The following CDK19 variants were observed in gnomAD, a reference collection of about 807,000 sequenced individuals.
CDK19 encodes cyclin dependent kinase 19, also known as cyclin-dependent kinase 19.
CDK19 carries 20 observed loss-of-function variants against 68.3 expected under a neutral mutation model. The ratio of observed to expected loss-of-function variants is 0.29; its 90% CI spans 0.21 to 0.43. CDK19 has a LOEUF of 0.43. Ranked by LOEUF, CDK19 falls within the 20% of genes least tolerant of loss-of-function variation. The pLI, the probability that CDK19 is intolerant of heterozygous loss-of-function variation, is 1.00. For synonymous variants in CDK19, 221 were observed against 222.8 expected (o/e 0.99, Z 0.07); for missense variants, 339 against 623.5 (o/e 0.54, Z 4.86).
chr6:110,619,738 C>A (rs775364870), intron 12 of CDK19, among the ~76,000 whole-genome samples: 12 of 151,940 alleles, frequency 7.9e-5, no homozygotes, highest in Non-Finnish European at 1.3e-4. Context: ...CTGATCCCCA[C>A]CCTGCTCTTT....
At chr6:110,646,313 C>T in intron 4 of CDK19, 1 of 1,489,230 alleles carries the variant, frequency 6.7e-7, no homozygotes, top group Non-Finnish European at 8.9e-7. Context: ...TCAGCGACTA[C>T]CTGCGCGAAC....
intron 1 of CDK19, among the ~76,000 whole-genome samples, chr6:110,754,580 A>C (rs1375423873): frequency 1.3e-5 from 2 of 151,810 alleles, no homozygotes; most frequent in African/African-American, 4.8e-5. Context: ...CCTGGGTTCA[A>C]GCGATTCTCA....
At position 110,815,395 on chromosome 6, in the gene CDK19, T is replaced by C. The variant is rs970252209; in HGVS notation, c.-259A>G. 14 of 349,852 alleles carry C rather than the reference T, an allele frequency of 4.0e-5. No homozygotes were observed. Among genetic ancestry groups the C allele is most frequent in the African/African-American group, 2.8e-4 (13 of 46,202 alleles). The allele number at this position is 349,852 out of a possible 1,614,324, so 21.7% of individuals were successfully genotyped here. A position where few individuals can be genotyped will look rare whatever the true frequency, so the allele number is the denominator to read the frequency against. ...TCCCGCAGGCACCCCCAGTCCCGCCTCCCTCCTTCATTTCCTTGTTTTGGA... is the reference window on the plus strand; with the variant it reads ...TCCCGCAGGCACCCCCAGTCCCGCCCCCCTCCTTCATTTCCTTGTTTTGGA... On this transcript the variant is annotated 5_prime_UTR_variant, in exon 1 of 13. Transcript: ENST00000368911.
intron 1 of CDK19, among the ~76,000 whole-genome samples, chr6:110,806,695 G>A (rs1283631377): frequency 6.6e-6 from 1 of 151,960 alleles, no homozygotes; most frequent in Non-Finnish European, 1.5e-5. Context: ...TTTAAAATAT[G>A]GGCCAAGCAC....
At chr6:110,712,725 C>T (rs918304819) in intron 2 of CDK19, among the ~76,000 whole-genome samples, 1 of 152,138 alleles carries the variant, frequency 6.6e-6, no homozygotes, top group Non-Finnish European at 1.5e-5. Context: ...TATTTATCCA[C>T]AGTGGCTAGA....
chr6:110,800,704 C>T (rs1257738563), intron 1 of CDK19, among the ~76,000 whole-genome samples: 2 of 152,122 alleles, frequency 1.3e-5, no homozygotes, highest in African/African-American at 2.4e-5. Flanking sequence ...AAAAACCACA[C>T]GATCATCTCA....
At position 110,623,763 on chromosome 6, in the gene CDK19, T is replaced by C. The variant is rs142812633; in HGVS notation, c.861-401A>G. On this transcript the variant is annotated intron_variant, in intron 8 of 12. Coordinates refer to ENST00000368911, the MANE Select transcript of CDK19 (RefSeq NM_015076.5). ...ATATATATATATATACATATATATA[T>C]ACACATATATATACATATATACACA... 0.035 allele frequency among the ~76,000 whole-genome samples: 3,075 copies of C among 88,404 alleles called. 323 individuals carry two copies. The East Asian group carries it at 0.42, about 12-fold the overall frequency. 58.0% of individuals were successfully genotyped at this position (88,404 alleles called of 152,430 possible). A position where few individuals can be genotyped will look rare whatever the true frequency, so the allele number is the denominator to read the frequency against.
chr6:110,703,114 T>C (rs1246646371), intron 2 of CDK19, among the ~76,000 whole-genome samples: 1 of 152,190 alleles, frequency 6.6e-6, no homozygotes, highest in Non-Finnish European at 1.5e-5. Context: ...TAGTGAATCA[T>C]GAAATCCATC....
chr6:110,664,141 C>T (rs1328688447), intron 4 of CDK19, among the ~76,000 whole-genome samples: 1 of 152,190 alleles, frequency 6.6e-6, no homozygotes, highest in Non-Finnish European at 1.5e-5. Context: ...TGCAATTCAG[C>T]TTATCCATAT....
intron 1 of CDK19, among the ~76,000 whole-genome samples, chr6:110,796,609 A>G (rs1306826435): frequency 2.0e-5 from 3 of 152,152 alleles, no homozygotes; most frequent in Admixed American, 6.5e-5. Context: ...AGACCGTACC[A>G]CTGCACCCCA....
chr6:110,684,761 T>C (rs1772313286), intron 2 of CDK19, among the ~76,000 whole-genome samples: 1 of 152,094 alleles, frequency 6.6e-6, no homozygotes, highest in Non-Finnish European at 1.5e-5. Context: ...CAAAACTGAG[T>C]ATCACTTGCC....
chr6:110,801,403 T>C (rs771896780), intron 1 of CDK19, among the ~76,000 whole-genome samples: 2 of 152,176 alleles, frequency 1.3e-5, no homozygotes, highest in African/African-American at 4.8e-5. Flanking sequence ...GAGAATTGCT[T>C]AGGCCCAGGA....
intron 1 of CDK19, among the ~76,000 whole-genome samples, chr6:110,814,317 T>A (rs138565115): frequency 2.0e-5 from 3 of 152,330 alleles, no homozygotes; most frequent in Non-Finnish European, 2.9e-5. Flanking sequence ...AGTTGCCGCT[T>A]GCGAAACGCA....
chr6:110,661,650 T>C (rs971685347), intron 4 of CDK19, among the ~76,000 whole-genome samples: 41 of 152,286 alleles, frequency 2.7e-4, no homozygotes, highest in African/African-American at 9.4e-4. Flanking sequence ...AGAAATCATA[T>C]CTGACTCAAA....
chr6:110,792,445 ACAATCTCGGCTCACTGCAG>A (rs1781664104), intron 1 of CDK19, among the ~76,000 whole-genome samples: 1 of 108,466 alleles, frequency 9.2e-6, no homozygotes, highest in Admixed American at 8.1e-5. Flanking sequence ...GTGCAGTGGC[ACAATCTCGGCTCACTGCAG>A]TGGCACAATC....
At chr6:110,729,565 A>T (rs1214800735) in intron 2 of CDK19, among the ~76,000 whole-genome samples, 7 of 151,012 alleles carry the variant, frequency 4.6e-5, no homozygotes, top group African/African-American at 1.7e-4. Flanking sequence ...AGTAGCTGGG[A>T]CTACAGGCAC....
intron 2 of CDK19, among the ~76,000 whole-genome samples, chr6:110,699,866 C>A (rs868126131): frequency 3.3e-5 from 5 of 152,202 alleles, no homozygotes; most frequent in Non-Finnish European, 2.9e-5. Flanking sequence ...AGAAAGTAGA[C>A]GGCTAATTTG....
At chr6:110,744,706 C>T (rs553802888) in intron 2 of CDK19, among the ~76,000 whole-genome samples, 3 of 152,280 alleles carry the variant, frequency 2.0e-5, no homozygotes, top group South Asian at 2.1e-4. Context: ...CCTCAAAGTA[C>T]ACACAGTCCA....
At chr6:110,630,917 C>T (rs531839109) in intron 6 of CDK19, among the ~76,000 whole-genome samples, 9 of 152,292 alleles carry the variant, frequency 5.9e-5, no homozygotes, top group South Asian at 2.1e-4. Context: ...AGAAATCAGA[C>T]GTCTTGATGA....
Sources: gnomAD v4.1 joint callset for allele counts (sites outside exome capture counted in the v4.1 genomes callset) on GRCh38, gnomAD v4.1.1 for gene constraint, MANE v1.5 for transcripts, NCBI Gene and HGNC (gene_info 2026-07-23, HGNC 2026-07-21) for gene names.